The following CLIP1 variants were observed in gnomAD, a reference collection of about 807,000 sequenced individuals.
The protein encoded by CLIP1 is CAP-Gly domain containing linker protein 1, also known as CAP-Gly domain-containing linker protein 1.
Under a neutral mutation model 161.6 loss-of-function variants are expected in CLIP1, and 66 were observed. That is an observed-to-expected ratio of 0.41 (90% CI 0.33 to 0.50). The LOEUF (loss-of-function observed/expected upper bound fraction) is 0.50. Ranked by LOEUF, CLIP1 falls within the 20% of genes least tolerant of loss-of-function variation. CLIP1 has a pLI of 0.27. For synonymous variants in CLIP1, 598 were observed against 626.2 expected, an observed-to-expected ratio of 0.96 and a Z score of 0.67; for missense variants, 1,376 against 1,702.0, an observed-to-expected ratio of 0.81 and a Z score of 3.37.
chr12:122,306,349 G>A (rs112329843), intron 20 of CLIP1, among the ~76,000 whole-genome samples: 39 of 152,288 alleles, frequency 2.6e-4, no homozygotes, highest in African/African-American at 8.9e-4. Context: ...TGGAAGTAAA[G>A]TGAATCATCT....
upstream of CLIP1, among the ~76,000 whole-genome samples, chr12:122,422,952 A>G (rs1448579407): frequency 6.6e-6 from 1 of 152,146 alleles, no homozygotes; most frequent in Non-Finnish European, 1.5e-5. Flanking sequence ...TCATTTCTGC[A>G]AAGTGTTCCC....
chr12:122,374,960 G>A (rs1954647346), intron 3 of CLIP1, among the ~76,000 whole-genome samples: 1 of 152,074 alleles, frequency 6.6e-6, no homozygotes, highest in Non-Finnish European at 1.5e-5. Context: ...AGACAACCAC[G>A]TTGAAACACA....
intron 1 of CLIP1, among the ~76,000 whole-genome samples, chr12:122,388,658 T>C (rs1955441208): frequency 6.6e-6 from 1 of 152,138 alleles, no homozygotes; most frequent in Admixed American, 6.6e-5. Context: ...ACCCTTTGAA[T>C]TCTGGGCTCA....
chr12:122,316,942 G>T, intron 18 of CLIP1, 87 bp from the exon 19 acceptor site: 2 of 785,700 alleles, frequency 2.5e-6, no homozygotes, highest in Non-Finnish European at 3.9e-6. Context: ...AATGTGTACT[G>T]AAAAGACAGA....
At chr12:122,337,683 T>C (rs1289068140) in intron 11 of CLIP1, among the ~76,000 whole-genome samples, 1 of 152,096 alleles carries the variant, frequency 6.6e-6, no homozygotes, top group Non-Finnish European at 1.5e-5. Context: ...GGATGCTTAC[T>C]TTCTAAATGA....
At position 122,377,070 on chromosome 12, in the gene CLIP1, C is replaced by T. The variant is rs908128014; in HGVS notation, c.657+319G>A. Among the ~76,000 whole-genome samples, 47 of 149,966 alleles carry T rather than the reference C, an allele frequency of 3.1e-4. 1 individual carries two copies. Among genetic ancestry groups the T allele is most frequent in the African/African-American group, 1.0e-3 (41 of 40,682 alleles). ...TCTCGCCCAGGCTGGAGTGTAGTGG[C>T]GCAATCTCGGCTCACTGCAACCTCC... On this transcript the variant is annotated intron_variant, in intron 3 of 25. Coordinates refer to ENST00000620786, the MANE Select transcript of CLIP1 (RefSeq NM_001247997.2).
intron 15 of CLIP1, among the ~76,000 whole-genome samples, chr12:122,332,041 C>T (rs950760219): frequency 3.9e-5 from 6 of 151,952 alleles, no homozygotes; most frequent in Admixed American, 6.6e-5. Flanking sequence ...CACGGTGGCT[C>T]ATGCCTGTAA....
At chr12:122,337,462 G>A (rs75270939) in intron 11 of CLIP1, among the ~76,000 whole-genome samples, 4 of 143,954 alleles carry the variant, frequency 2.8e-5, no homozygotes, top group Admixed American at 7.0e-5. Flanking sequence ...AAAAAAAAAA[G>A]AAAGAAAAGA....
At chr12:122,378,772 A>C (rs769373717) in intron 2 of CLIP1, among the ~76,000 whole-genome samples, 1 of 152,100 alleles carries the variant, frequency 6.6e-6, no homozygotes. Flanking sequence ...AGGTGGGTGG[A>C]TCATTTGAGG....
chr12:122,418,079 A>G (rs1325285950), intron 1 of CLIP1, among the ~76,000 whole-genome samples: 1 of 151,926 alleles, frequency 6.6e-6, no homozygotes, highest in Non-Finnish European at 1.5e-5. Context: ...TTTCTTTGCC[A>G]TGTGTCACCT....
intron 1 of CLIP1, among the ~76,000 whole-genome samples, chr12:122,414,269 T>C (rs951311255): frequency 2.0e-4 from 30 of 152,028 alleles, no homozygotes; most frequent in African/African-American, 6.8e-4. Context: ...TGCCTCAGCC[T>C]CCCAAGTAGG....
intron 1 of CLIP1, among the ~76,000 whole-genome samples, chr12:122,401,958 T>C (rs1308092413): frequency 4.6e-5 from 7 of 151,618 alleles, no homozygotes; most frequent in Admixed American, 2.0e-4. Flanking sequence ...GATTTTGCCA[T>C]TGCACTCCAG....
At chr12:122,380,311 A>G in intron 2 of CLIP1, 57 bp downstream of exon 2, 4 of 1,110,968 alleles carry the variant, frequency 3.6e-6, no homozygotes, top group Non-Finnish European at 5.3e-6. Flanking sequence ...TTTTAAAATT[A>G]AAAAGCAAAT....
intron 24 of CLIP1, chr12:122,277,587 C>G (rs1955481939): frequency 6.6e-6 from 1 of 151,752 alleles, no homozygotes; most frequent in Non-Finnish European, 1.5e-5. Flanking sequence ...AGTAACAAAC[C>G]CTTTGACAGA....
chr12:122,313,452 C>A (rs749080726), intron 19 of CLIP1, among the ~76,000 whole-genome samples: 1 of 152,148 alleles, frequency 6.6e-6, no homozygotes, highest in African/African-American at 2.4e-5. Flanking sequence ...CCTGGCCGGG[C>A]GTGGTGGCTC....
intron 17 of CLIP1, among the ~76,000 whole-genome samples, chr12:122,324,836 C>T (rs989230190): frequency 6.6e-6 from 1 of 152,142 alleles, no homozygotes; most frequent in Non-Finnish European, 1.5e-5. Context: ...GGAAAATAAA[C>T]TACTGCCTTC....
chr12:122,336,542 G>T, intron 12 of CLIP1, 90 bp downstream of exon 12: 1 of 695,812 alleles, frequency 1.4e-6, no homozygotes, highest in East Asian at 2.6e-5. Context: ...GAAAGAGAAA[G>T]GAAACAGCTA....
chr12:122,291,629 A>C (rs1950254664), intron 20 of CLIP1, among the ~76,000 whole-genome samples: 1 of 152,192 alleles, frequency 6.6e-6, no homozygotes, highest in African/African-American at 2.4e-5. Context: ...TGGCAGGAAC[A>C]CCACAGAAGT....
At chr12:122,391,898 A>G (rs1419309029) in intron 1 of CLIP1, among the ~76,000 whole-genome samples, 2 of 152,228 alleles carry the variant, frequency 1.3e-5, no homozygotes, top group Non-Finnish European at 2.9e-5. Context: ...CACTAATTCT[A>G]AGAATCCAAG....
Sources: gnomAD v4.1 joint callset for allele counts (sites outside exome capture counted in the v4.1 genomes callset) on GRCh38, gnomAD v4.1.1 for gene constraint, MANE v1.5 for transcripts, NCBI Gene and HGNC (gene_info 2026-07-23, HGNC 2026-07-21) for gene names.